The following FAM13A variants were observed in gnomAD, a reference collection of about 807,000 sequenced individuals.
The protein encoded by FAM13A is protein FAM13A.
FAM13A carries 76 observed loss-of-function variants against 129.6 expected under a neutral mutation model. That is an observed-to-expected ratio of 0.59 (90% CI 0.49 to 0.71). The LOEUF is 0.71. Among genes scored for constraint, FAM13A ranks in the 30% least tolerant of loss-of-function variants. The pLI is 0.00. For synonymous variants in FAM13A, 443 were observed against 449.9 expected (o/e 0.98, Z 0.20); for missense variants, 1,108 against 1,249.3 (o/e 0.89, Z 1.70).
rs151214583 is a variant in FAM13A at position 88,902,407 on chromosome 4, C to A, written c.843+3972G>T. The stretch of plus-strand genomic sequence containing the variant: ...AGCAACACATCAAAAAGCATATGCA[C>A]CATGATCAAGTCAGCTTCATCCCTG... On this transcript the variant is annotated intron_variant, in intron 6 of 23. Transcript: ENST00000264344. Among the ~76,000 whole-genome samples, 29 of 152,160 alleles carry A rather than the reference C, an allele frequency of 1.9e-4. No homozygotes were observed. The East Asian group carries it at 5.4e-3, about 28-fold the overall frequency.
At chr4:88,816,604 T>C (rs1439232084) in intron 7 of FAM13A, among the ~76,000 whole-genome samples, 1 of 152,194 alleles carries the variant, frequency 6.6e-6, no homozygotes, top group Non-Finnish European at 1.5e-5. Context: ...GGAGTTCAGT[T>C]TCCTCTGCCA....
At chr4:88,819,857 A>G (rs1731547369) in intron 7 of FAM13A, among the ~76,000 whole-genome samples, 1 of 152,184 alleles carries the variant, frequency 6.6e-6, no homozygotes, top group Non-Finnish European at 1.5e-5. Flanking sequence ...TTATCTCAAT[A>G]GAGATAGTTA....
intron 3 of FAM13A, among the ~76,000 whole-genome samples, chr4:89,007,185 C>G (rs903332655): frequency 6.6e-6 from 1 of 152,134 alleles, no homozygotes; most frequent in Non-Finnish European, 1.5e-5. Flanking sequence ...ACACATTTCC[C>G]TTAAAAAGAT....
chr4:88,767,461 G>T, intron 13 of FAM13A, 92 bp downstream of exon 13: 1 of 834,074 alleles, frequency 1.2e-6, no homozygotes. Context: ...TTATCTCAAT[G>T]TCCCTTATTG....
chr4:88,731,858 T>A (rs542930612), intron 22 of FAM13A, 144 bp downstream of exon 22: 213 of 696,828 alleles, frequency 3.1e-4, no homozygotes, highest in African/African-American at 2.9e-3. Context: ...AGAAATTTTT[T>A]AAAAAATCAC....
chr4:88,949,302 G>A (rs528434568), intron 4 of FAM13A, among the ~76,000 whole-genome samples: 10 of 152,180 alleles, frequency 6.6e-5, no homozygotes, highest in South Asian at 2.1e-4. Context: ...ACCCAAGCCC[G>A]AATACACCTA....
intron 1 of FAM13A, among the ~76,000 whole-genome samples, chr4:89,038,164 G>A (rs1189837289): frequency 3.3e-5 from 5 of 152,308 alleles, no homozygotes; most frequent in African/African-American, 9.6e-5. Context: ...TTACCTGTAT[G>A]CAGCTCTGTT....
chr4:88,995,378 T>A (rs1763421439), intron 3 of FAM13A, among the ~76,000 whole-genome samples: 1 of 152,052 alleles, frequency 6.6e-6, no homozygotes, highest in African/African-American at 2.4e-5. Context: ...TTTGAGTCAG[T>A]GGACTGGGAG....
intron 7 of FAM13A, among the ~76,000 whole-genome samples, chr4:88,810,853 A>G (rs1406157584): frequency 6.6e-6 from 1 of 152,184 alleles, no homozygotes; most frequent in East Asian, 1.9e-4. Context: ...TAAATCAGAT[A>G]TAAATTTCAC....
intron 3 of FAM13A, among the ~76,000 whole-genome samples, chr4:89,008,103 C>T (rs1795720): frequency 0.54 from 82,024 of 151,942 alleles, 22,724 homozygotes; most frequent in Middle Eastern, 0.7. Context: ...ATAATTTATA[C>T]CCCAGAGACT....
At chr4:89,036,456 T>C (rs976005669) in intron 1 of FAM13A, among the ~76,000 whole-genome samples, 3 of 152,178 alleles carry the variant, frequency 2.0e-5, no homozygotes, top group African/African-American at 4.8e-5. Context: ...AAAGAGATTA[T>C]CTGAAACTTG....
Position 88,829,826 on chromosome 4 carries a change from A to C in FAM13A, c.1007+21194T>G, listed in dbSNP as rs575626504. ...AACAGATGTGGAAATGAAGAAGTCA[A>C]TTAATGTGAATGCTCAGCTAGTAAG... On this transcript the variant is annotated intron_variant, in intron 7 of 23. Coordinates refer to ENST00000264344, the MANE Select transcript of FAM13A (RefSeq NM_014883.4). 2.6e-5 allele frequency among the ~76,000 whole-genome samples: 4 copies of C among 152,214 alleles called. No individual in the cohort carries two copies. In the South Asian group the frequency reaches 8.3e-4, roughly 32 times the overall value.
At chr4:88,951,043 T>C (rs1344189673) in intron 4 of FAM13A, among the ~76,000 whole-genome samples, 2 of 152,200 alleles carry the variant, frequency 1.3e-5, no homozygotes, top group African/African-American at 4.8e-5. Context: ...GGTCCTCTGT[T>C]ATGCTGTAGG....
intron 3 of FAM13A, among the ~76,000 whole-genome samples, chr4:88,998,237 A>G (rs1359702949): frequency 1.3e-5 from 2 of 152,198 alleles, no homozygotes; most frequent in Non-Finnish European, 2.9e-5. Flanking sequence ...GCATTAAGTC[A>G]CTAAGTTCAT....
At chr4:88,809,553 G>A (rs1729234942) in intron 7 of FAM13A, among the ~76,000 whole-genome samples, 5 of 152,080 alleles carry the variant, frequency 3.3e-5, no homozygotes, top group Admixed American at 3.3e-4. Context: ...TGAGGGACAA[G>A]TATAAAGAAA....
intron 7 of FAM13A, among the ~76,000 whole-genome samples, chr4:88,844,435 AT>A (rs1427859821): frequency 5.3e-5 from 8 of 152,222 alleles, no homozygotes; most frequent in Admixed American, 2.6e-4. Context: ...ATCCAAGGTC[AT>A]TTTGCAGATC....
intron 6 of FAM13A, among the ~76,000 whole-genome samples, chr4:88,903,798 C>T (rs1747688168): frequency 6.6e-6 from 1 of 152,092 alleles, no homozygotes; most frequent in South Asian, 2.1e-4. Context: ...AACTAAAGAG[C>T]TTTTGCACAG....
chr4:88,881,941 A>T (rs1207427454), intron 6 of FAM13A, among the ~76,000 whole-genome samples: 1 of 152,094 alleles, frequency 6.6e-6, no homozygotes, highest in African/African-American at 2.4e-5. Flanking sequence ...AGAAAAAAGA[A>T]TTTAAAAAAA....
At chr4:88,763,232 T>C (rs1745127402) in intron 13 of FAM13A, among the ~76,000 whole-genome samples, 1 of 152,188 alleles carries the variant, frequency 6.6e-6, no homozygotes, top group African/African-American at 2.4e-5. Flanking sequence ...ATAGGAACTA[T>C]AAACAATGCT....
Sources: allele counts gnomAD v4.1 joint callset (sites outside exome capture counted in the v4.1 genomes callset), GRCh38; gene constraint gnomAD v4.1.1; transcripts MANE v1.5; gene names NCBI Gene and HGNC (gene_info 2026-07-23, HGNC 2026-07-21).